The following FNIP2 variants were observed in gnomAD, a reference collection of about 807,000 sequenced individuals.
FNIP2 encodes folliculin-interacting protein 2.
A neutral mutation model predicts 108.7 loss-of-function variants in FNIP2; 32 were observed. That is an observed-to-expected ratio of 0.29 (90% CI 0.22 to 0.40). The LOEUF is 0.40. Among genes scored for constraint, FNIP2 ranks in the 10% least tolerant of loss-of-function variants. The pLI is 1.00. For missense variants in FNIP2, 1,202 were observed against 1,381.6 expected (o/e 0.87, Z 2.06); for synonymous variants, 480 against 496.7 (o/e 0.97, Z 0.45).
At chr4:158,774,452 G>C (rs1007282960) in intron 1 of FNIP2, among the ~76,000 whole-genome samples, 44 of 152,080 alleles carry the variant, frequency 2.9e-4, no homozygotes, top group African/African-American at 9.9e-4. Flanking sequence ...TACACTGTGA[G>C]GGAATAGAGT....
intron 8 of FNIP2, among the ~76,000 whole-genome samples, chr4:158,857,782 A>G (rs1780068217): frequency 1.6e-5 from 1 of 62,142 alleles, no homozygotes; most frequent in Non-Finnish European, 3.9e-5. Context: ...ATCTCTACCA[A>G]AAAAAAAAAA....
intron 7 of FNIP2, among the ~76,000 whole-genome samples, chr4:158,848,746 T>G (rs1470247956): frequency 6.6e-6 from 1 of 152,108 alleles, no homozygotes; most frequent in East Asian, 1.9e-4. Context: ...GAATTCAGAA[T>G]CCTATCAGAT....
chr4:158,794,107 G>T (rs934582861), intron 1 of FNIP2, among the ~76,000 whole-genome samples: 1 of 152,100 alleles, frequency 6.6e-6, no homozygotes, highest in Non-Finnish European at 1.5e-5. Context: ...ATAACATGTT[G>T]AATTAAGATT....
chr4:158,869,497 G>A, intron 13 of FNIP2, 69 bp downstream of exon 13: 2 of 1,469,722 alleles, frequency 1.4e-6, no homozygotes, highest in Non-Finnish European at 1.8e-6. Flanking sequence ...TGACACCTGT[G>A]ATGTTGTTAG....
chr4:158,845,593 G>C (rs1426559014), intron 7 of FNIP2, among the ~76,000 whole-genome samples: 1 of 152,186 alleles, frequency 6.6e-6, no homozygotes, highest in Non-Finnish European at 1.5e-5. Flanking sequence ...TCCCCAGGTG[G>C]CTCAGATGTA....
intron 16 of FNIP2, among the ~76,000 whole-genome samples, 184 bp downstream of exon 16, chr4:158,896,049 T>C (rs1782642304): frequency 6.6e-6 from 1 of 152,212 alleles, no homozygotes; most frequent in Admixed American, 6.5e-5. Context: ...TATCTGATAC[T>C]GGGTTTCACA....
At chr4:158,816,615 T>C (rs1238671288) in intron 1 of FNIP2, among the ~76,000 whole-genome samples, 3 of 151,952 alleles carry the variant, frequency 2.0e-5, no homozygotes, top group African/African-American at 7.2e-5. Flanking sequence ...AAACCCCCTC[T>C]CTACTAAAAA....
chr4:158,866,179 G>A (rs1560813666), intron 12 of FNIP2, among the ~76,000 whole-genome samples: 2 of 134,030 alleles, frequency 1.5e-5, no homozygotes, highest in South Asian at 4.9e-4. Flanking sequence ...CCTTTATTTA[G>A]TATCTTTTCA....
chr4:158,775,301 A>G (rs1208093109), intron 1 of FNIP2, among the ~76,000 whole-genome samples: 1 of 152,214 alleles, frequency 6.6e-6, no homozygotes, highest in African/African-American at 2.4e-5. Flanking sequence ...CTGGACTATG[A>G]GATCATATAC....
chr4:158,808,867 A>G (rs1272888560), intron 1 of FNIP2, among the ~76,000 whole-genome samples: 2 of 152,178 alleles, frequency 1.3e-5, no homozygotes, highest in African/African-American at 2.4e-5. Flanking sequence ...AAGATTCCAC[A>G]ATTACAGTAG....
chr4:158,870,233 T>G, intron 13 of FNIP2, 80 bp from the exon 14 acceptor site: 1 of 1,447,850 alleles, frequency 6.9e-7, no homozygotes, highest in Admixed American at 1.8e-5. Flanking sequence ...CCTGTATCAT[T>G]GGAGTGCTTG....
intron 14 of FNIP2, among the ~76,000 whole-genome samples, chr4:158,886,031 A>T (rs1275799517): frequency 6.6e-6 from 1 of 152,232 alleles, no homozygotes; most frequent in Non-Finnish European, 1.5e-5. Flanking sequence ...CTAGGCATTT[A>T]ACACTCCCAG....
At chr4:158,831,713 A>G in intron 3 of FNIP2, 148 bp from the exon 4 acceptor site, 4 of 624,772 alleles carry the variant, frequency 6.4e-6, no homozygotes, top group Non-Finnish European at 5.7e-6. Context: ...AATCGCCATT[A>G]TAAGTTAAGA....
At chr4:158,870,912 C>T (rs1034153319) in intron 14 of FNIP2, among the ~76,000 whole-genome samples, 2 of 152,234 alleles carry the variant, frequency 1.3e-5, no homozygotes, top group Admixed American at 1.3e-4. Flanking sequence ...GGGCCCAGAA[C>T]AGAACACAGA....
chr4:158,804,462 G>A (rs1776870516), intron 1 of FNIP2, among the ~76,000 whole-genome samples: 1 of 142,280 alleles, frequency 7.0e-6, no homozygotes. Flanking sequence ...TGTCCAGGCT[G>A]GAATGCAGTG....
chr4:158,806,203 G>GTT, intron 1 of FNIP2: 1 of 1,274,578 alleles, frequency 7.8e-7, no homozygotes, highest in Non-Finnish European at 1.0e-6. Flanking sequence ...CCAAGTCCAT[G>GTT]TTTATGGTCA....
intron 7 of FNIP2, among the ~76,000 whole-genome samples, chr4:158,837,134 T>A (rs1440176842): frequency 6.6e-6 from 1 of 152,210 alleles, no homozygotes; most frequent in Non-Finnish European, 1.5e-5. Context: ...GGCTTTGTTA[T>A]GGTTGACTTT....
At position 158,859,145 on chromosome 4, in the gene FNIP2, A is replaced by T. The variant is rs569434783; in HGVS notation, c.946A>T (p.Ile316Phe). 2 of 1,614,038 alleles carry T rather than the reference A, an allele frequency of 1.2e-6. No individual in the cohort carries two copies. The highest frequency in any genetic ancestry group is 1.7e-5 in the Admixed American group (1 of 60,034). Residue 316 changes from isoleucine to phenylalanine, a missense_variant, in exon 9 of 17, where the codon ATC becomes TTC. Coordinates refer to ENST00000264433, the MANE Select transcript of FNIP2 (RefSeq NM_020840.3). Reference sequence around the variant, plus strand: ...GAGGAAGAAAATTGCCATAAGCATCATCTTTTCCCTATGTGAGAAAGAAGA... The same window carrying T: ...GAGGAAGAAAATTGCCATAAGCATCTTCTTTTCCCTATGTGAGAAAGAAGA... ...VRRKKIAISI[I>F]FSLCEKEEAQ...
At chr4:158,903,981 G>A (rs925044394) in intron 16 of FNIP2, among the ~76,000 whole-genome samples, 1 of 152,160 alleles carries the variant, frequency 6.6e-6, no homozygotes, top group African/African-American at 2.4e-5. Context: ...GCTCAGTGAG[G>A]ATCCCAGTAT....
Sources: gnomAD v4.1 joint callset for allele counts (sites outside exome capture counted in the v4.1 genomes callset) on GRCh38, gnomAD v4.1.1 for gene constraint, MANE v1.5 for transcripts, NCBI Gene and HGNC (gene_info 2026-07-23, HGNC 2026-07-21) for gene names.